Variants in CPVL observed in about 807,000 individuals in gnomAD.
CPVL encodes probable serine carboxypeptidase CPVL.
Under a neutral mutation model 63.7 loss-of-function variants are expected in CPVL, and 51 were observed. The ratio of observed to expected loss-of-function variants is 0.80; its 90% CI spans 0.64 to 1.01. The LOEUF is 1.01. CPVL is among the 50% of genes least tolerant of loss of function. The pLI is 0.00. For missense variants in CPVL, 530 were observed against 573.1 expected (o/e 0.92, Z 0.77); for synonymous variants, 195 against 206.0 (o/e 0.95, Z 0.46).
At chr7:29,146,972 C>G, upstream of CPVL, 8 of 1,550,906 alleles carry the variant, frequency 5.2e-6, no homozygotes, top group Non-Finnish European at 7.0e-6. Flanking sequence ...TAAGCTCGCA[C>G]CAAGTGCCAC....
intron 12 of CPVL, among the ~76,000 whole-genome samples, chr7:29,019,636 T>G (rs1363531005): frequency 6.6e-6 from 1 of 152,240 alleles, no homozygotes; most frequent in East Asian, 1.9e-4. Flanking sequence ...CACATACCCA[T>G]GCTTCTGTTT....
intron 11 of CPVL, among the ~76,000 whole-genome samples, chr7:29,043,583 G>T (rs1789333898): frequency 1.3e-5 from 2 of 152,156 alleles, no homozygotes; most frequent in African/African-American, 2.4e-5. Flanking sequence ...GGGAAAGCCA[G>T]AAATCAAGAA....
chr7:29,073,140 C>T (rs1048574723), intron 7 of CPVL, among the ~76,000 whole-genome samples: 13 of 152,228 alleles, frequency 8.5e-5, no homozygotes, highest in Admixed American at 2.6e-4. Context: ...TTAAACTGCA[C>T]ATGTTCAAAA....
In CPVL at chr7:29,110,281, C is replaced by T. The variant is rs544150882; in HGVS notation, c.288+2423G>A. Among the ~76,000 whole-genome samples the T allele has an allele frequency of 1.2e-3, 184 of 152,232 alleles. 1 individual carries two copies. The highest frequency in any genetic ancestry group is 3.3e-3 in the South Asian group (16 of 4,818). On this transcript the variant is annotated intron_variant, in intron 3 of 12. Coordinates refer to ENST00000265394, the MANE Select transcript of CPVL (RefSeq NM_031311.5). ...CAGTCCTAACAGTTCTTAGAGAATC[C>T]GCAAGCTGGATTAGGGAAGCCAACC...
At chr7:29,123,648 T>A (rs1789656859) in intron 1 of CPVL, among the ~76,000 whole-genome samples, 2 of 116,018 alleles carry the variant, frequency 1.7e-5, no homozygotes, top group Non-Finnish European at 3.5e-5. Flanking sequence ...TATATATATA[T>A]ATATATATGC....
chr7:29,184,767 A>G (rs532340723), intron 3 of CPVL, among the ~76,000 whole-genome samples: 7 of 152,328 alleles, frequency 4.6e-5, no homozygotes, highest in African/African-American at 1.4e-4. Flanking sequence ...ATGTTTGACC[A>G]CATACCTGGG....
At chr7:29,039,163 T>G (rs1311053988) in intron 11 of CPVL, among the ~76,000 whole-genome samples, 1 of 152,240 alleles carries the variant, frequency 6.6e-6, no homozygotes, top group East Asian at 1.9e-4. Context: ...TCTAAAATGC[T>G]AGTCCTTTTA....
At chr7:29,071,726 A>T in intron 9 of CPVL, 47 bp downstream of exon 9, 6 of 243,664 alleles carry the variant, frequency 2.5e-5, no homozygotes, top group Non-Finnish European at 4.8e-5. Context: ...CTCCCTCCCC[A>T]GATGGTTTTA....
rs139506136 is a variant in CPVL at position 29,066,049 on chromosome 7, T to C, written c.937A>G (p.Asn313Asp). 3 of 1,606,156 alleles carry C rather than the reference T, an allele frequency of 1.9e-6. No homozygotes were observed. Among genetic ancestry groups the C allele is most frequent in the Admixed American group, 3.4e-5 (2 of 59,392 alleles). ...SYFQNVTGCS[N>D]YYNFLRCTEP... ...GTGCACCGCAAAAAGTTATAGTAAT[T>C]ACTACATCCTGTAACATTCTGGAAG... The change falls in exon 10 of 13, where the codon AAT becomes GAT. Residue 313 changes from asparagine (N) to aspartate (D), a missense_variant. Asn to Asp is a conservative substitution (Grantham distance 23). Transcript: ENST00000265394.
At chr7:29,175,270 G>A (rs1473654011) in intron 5 of CPVL, among the ~76,000 whole-genome samples, 1 of 151,836 alleles carries the variant, frequency 6.6e-6, no homozygotes, top group Non-Finnish European at 1.5e-5. Context: ...TGACTCCTGG[G>A]TTCAAGTGAT....
At position 29,120,911 on chromosome 7, in the gene CPVL, C is replaced by A. The variant is rs1263340709; in HGVS notation, c.151G>T (p.Ala51Ser). ...TACTTACCTTTTTGGATCTTCCCAG[C>A]TTCAATGTAAGGGGTGAGAAATAAT... ...QPLFLTPYIE[A>S]GKIQKGRELS... Residue 51 changes from alanine (A) to serine (S), a missense_variant, in exon 2 of 13, where the codon GCT becomes TCT. Physicochemically the swap from Ala to Ser is moderately conservative, Grantham distance 99. Coordinates refer to ENST00000265394, the MANE Select transcript of CPVL (RefSeq NM_031311.5). 2 of 1,613,176 alleles carry A rather than the reference C, an allele frequency of 1.2e-6. No homozygotes were observed. Among genetic ancestry groups the A allele is most frequent in the East Asian group, 2.2e-5 (1 of 44,856 alleles).
intron 11 of CPVL, among the ~76,000 whole-genome samples, chr7:29,031,974 C>G (rs1788061941): frequency 6.6e-6 from 1 of 152,120 alleles, no homozygotes. Context: ...TGGTGGAAAT[C>G]TGAGTAATAT....
At position 29,156,707 on chromosome 7, in the gene CPVL, C is replaced by T. The variant is rs774949558; in HGVS notation, c.-11+24583G>A. The stretch of plus-strand genomic sequence containing the variant: ...AAGGAGCTTTATGTTAGTATGAAAG[C>T]GACTATGTATTACTCTCCAGCACAG... On this transcript the variant is annotated intron_variant, in intron 5 of 16. Transcript: ENST00000409850. Among the ~76,000 whole-genome samples, 6 of 152,062 alleles carry T rather than the reference C, an allele frequency of 3.9e-5. No individual in the cohort carries two copies. In the East Asian group the frequency reaches 5.8e-4, roughly 15 times the overall value.
intron 4 of CPVL, among the ~76,000 whole-genome samples, chr7:29,183,481 A>G (rs1798326121): frequency 6.6e-6 from 1 of 151,674 alleles, no homozygotes; most frequent in Non-Finnish European, 1.5e-5. Context: ...GGTTCAAACA[A>G]TTCTCTTGCC....
At chr7:29,119,522 G>T (rs531718732) in intron 2 of CPVL, among the ~76,000 whole-genome samples, 1 of 150,226 alleles carries the variant, frequency 6.7e-6, no homozygotes, top group Non-Finnish European at 1.5e-5. Context: ...GCAGATGCAG[G>T]TCATAAATTT....
intron 7 of CPVL, among the ~76,000 whole-genome samples, chr7:29,072,893 C>T (rs1783887497): frequency 6.6e-6 from 1 of 152,056 alleles, no homozygotes; most frequent in Admixed American, 6.5e-5. Flanking sequence ...ATTTATTGGC[C>T]ACTAAAATTT....
At chr7:29,194,286 CG>C in intron 1 of CPVL, 1 of 152,696 alleles carries the variant, frequency 6.5e-6, no homozygotes, top group East Asian at 2.0e-4. Context: ...CCCAGCACCC[CG>C]GGGACCCGGT....
intron 7 of CPVL, among the ~76,000 whole-genome samples, chr7:29,085,787 T>C (rs1785141210): frequency 6.6e-6 from 1 of 152,230 alleles, no homozygotes; most frequent in Non-Finnish European, 1.5e-5. Context: ...ACACCATCTA[T>C]GTAATGATCT....
intron 5 of CPVL, among the ~76,000 whole-genome samples, chr7:29,179,630 T>C (rs1284383263): frequency 6.6e-6 from 1 of 152,232 alleles, no homozygotes; most frequent in African/African-American, 2.4e-5. Flanking sequence ...AGAATTACTC[T>C]GATATATGTA....
Sources: allele counts gnomAD v4.1 joint callset (sites outside exome capture counted in the v4.1 genomes callset), GRCh38; gene constraint gnomAD v4.1.1; transcripts MANE v1.5; gene names NCBI Gene and HGNC (gene_info 2026-07-23, HGNC 2026-07-21).